The following CALN1 variants were observed in gnomAD, a reference collection of about 807,000 sequenced individuals.
CALN1 encodes calcium-binding protein 8.
In CALN1, 17 loss-of-function variants were observed where a neutral mutation model predicts 30.6. The ratio of observed to expected loss-of-function variants is 0.56; its 90% CI spans 0.38 to 0.83. The LOEUF (loss-of-function observed/expected upper bound fraction) is 0.83. CALN1 is among the 40% of genes least tolerant of loss of function. CALN1 has a pLI of 0.00. For synonymous variants in CALN1, 156 were observed against 131.4 expected, an observed-to-expected ratio of 1.19 and a Z score of -1.28; for missense variants, 291 against 354.9, an observed-to-expected ratio of 0.82 and a Z score of 1.45.
At chr7:72,349,282 T>TTGTGTGTGTG (rs3032183) in intron 2 of CALN1, among the ~76,000 whole-genome samples, 270 of 147,864 alleles carry the variant, frequency 1.8e-3, no homozygotes, top group African/African-American at 5.7e-3. Context: ...ACACGCGTGC[T>TTGTGTGTGTG]TGTGTGTGTG....
chr7:72,130,458 G>C (rs1184038169), intron 3 of CALN1, among the ~76,000 whole-genome samples: 1 of 152,148 alleles, frequency 6.6e-6, no homozygotes, highest in African/African-American at 2.4e-5. Context: ...TGGGTCGGTG[G>C]TATAGTGGGG....
intron 6 of CALN1, among the ~76,000 whole-genome samples, chr7:71,798,227 TTCCCCCATTA>T (rs1787080653): frequency 6.6e-6 from 1 of 150,430 alleles, no homozygotes; most frequent in African/African-American, 2.4e-5. Context: ...TGCACTTGAC[TTCCCCCATTA>T]TTTGAGCCAG....
At chr7:72,018,749 T>C (rs577651610) in intron 5 of CALN1, among the ~76,000 whole-genome samples, 37 of 152,308 alleles carry the variant, frequency 2.4e-4, no homozygotes, top group African/African-American at 8.2e-4. Flanking sequence ...TAAATAGCTG[T>C]TTTTGCTGAA....
intron 3 of CALN1, among the ~76,000 whole-genome samples, chr7:72,115,998 C>A (rs983424314): frequency 2.3e-4 from 35 of 152,246 alleles, no homozygotes; most frequent in African/African-American, 8.4e-4. Context: ...ATGACAGGAT[C>A]TCATTCATTT....
intron 3 of CALN1, among the ~76,000 whole-genome samples, chr7:72,238,064 A>G (rs1794591802): frequency 6.6e-6 from 1 of 152,214 alleles, no homozygotes; most frequent in African/African-American, 2.4e-5. Context: ...AGCCCTACAG[A>G]AGACAGCCGG....
intron 4 of CALN1, among the ~76,000 whole-genome samples, chr7:72,073,847 C>A (rs1164239921): frequency 1.3e-5 from 2 of 152,158 alleles, no homozygotes; most frequent in Admixed American, 6.5e-5. Flanking sequence ...GTGTATGCCA[C>A]CATGACTGGC....
At chr7:72,306,024 A>G (rs1799625098) in intron 2 of CALN1, among the ~76,000 whole-genome samples, 1 of 152,190 alleles carries the variant, frequency 6.6e-6, no homozygotes. Flanking sequence ...TACCTTGCCC[A>G]AATTCCTATC....
chr7:72,299,561 G>A (rs1158754860), intron 2 of CALN1, among the ~76,000 whole-genome samples: 1 of 151,878 alleles, frequency 6.6e-6, no homozygotes, highest in East Asian at 1.9e-4. Context: ...GGCAAACAGG[G>A]AATGCAAAGA....
chr7:72,433,089 C>T (rs556871817), intron 1 of CALN1, among the ~76,000 whole-genome samples: 30 of 152,254 alleles, frequency 2.0e-4, no homozygotes, highest in African/African-American at 6.7e-4. Flanking sequence ...CTCATTGGAG[C>T]TTGGGTGTCT....
intron 2 of CALN1, among the ~76,000 whole-genome samples, chr7:72,363,495 G>A (rs988652105): frequency 6.6e-6 from 1 of 151,580 alleles, no homozygotes; most frequent in African/African-American, 2.4e-5. Flanking sequence ...TGCCTTGGCT[G>A]CCCATAGTGT....
intron 2 of CALN1, among the ~76,000 whole-genome samples, chr7:72,395,816 G>T (rs1159463211): frequency 6.6e-6 from 1 of 152,058 alleles, no homozygotes; most frequent in Non-Finnish European, 1.5e-5. Context: ...CTGATAGCAG[G>T]GTGGCAAAAA....
intron 2 of CALN1, among the ~76,000 whole-genome samples, chr7:72,338,525 G>GTGTCTGTGTGTGTGTGTGTGTCTGTC (rs1554378747): frequency 1.6e-5 from 2 of 122,292 alleles, no homozygotes; most frequent in South Asian, 5.4e-4. Context: ...GTGTGTGTGT[G>GTGTCTGTGTGTGTGTGTGTGTCTGTC]TGTCTCACCT....
chr7:72,262,030 T>TC (rs1164203203), intron 3 of CALN1, among the ~76,000 whole-genome samples: 1 of 152,072 alleles, frequency 6.6e-6, no homozygotes, highest in Non-Finnish European at 1.5e-5. Context: ...AAACACCACC[T>TC]CCCGCTTTAG....
intron 5 of CALN1, among the ~76,000 whole-genome samples, chr7:71,980,785 G>A (rs1298040057): frequency 1.3e-5 from 2 of 151,638 alleles, no homozygotes; most frequent in African/African-American, 4.9e-5. Context: ...TGCTGACTTC[G>A]GGTACAGAAA....
At chr7:72,381,111 T>C (rs1804874777) in intron 2 of CALN1, among the ~76,000 whole-genome samples, 1 of 152,116 alleles carries the variant, frequency 6.6e-6, no homozygotes, top group Non-Finnish European at 1.5e-5. Context: ...AGAAGAGCTC[T>C]CCCAGAATGC....
chr7:72,410,897 AT>A (rs750158741), intron 1 of CALN1, among the ~76,000 whole-genome samples: 22 of 152,332 alleles, frequency 1.4e-4, no homozygotes, highest in Admixed American at 2.6e-4. Flanking sequence ...TTAACACTGT[AT>A]TGTAGGCATT....
chr7:72,032,986 A>C (rs1349227619), intron 4 of CALN1, among the ~76,000 whole-genome samples: 1 of 152,204 alleles, frequency 6.6e-6, no homozygotes, highest in Non-Finnish European at 1.5e-5. Flanking sequence ...TAAATGCAAA[A>C]GCTTTGATTA....
intron 2 of CALN1, among the ~76,000 whole-genome samples, chr7:72,380,817 C>T (rs1418651527): frequency 6.6e-6 from 1 of 152,088 alleles, no homozygotes; most frequent in Non-Finnish European, 1.5e-5. Flanking sequence ...ACTCCAGTCT[C>T]GGCAACAGAG....
chr7:72,141,969 G>T (rs563613815), intron 3 of CALN1, among the ~76,000 whole-genome samples: 2 of 152,264 alleles, frequency 1.3e-5, no homozygotes, highest in South Asian at 4.1e-4. Context: ...CCACATTTCA[G>T]GTTGAAATAT....
Sources: gnomAD v4.1 joint callset for allele counts (sites outside exome capture counted in the v4.1 genomes callset) on GRCh38, gnomAD v4.1.1 for gene constraint, MANE v1.5 for transcripts, NCBI Gene and HGNC (gene_info 2026-07-23, HGNC 2026-07-21) for gene names.